The following NOXRED1 variants were observed in gnomAD, a reference collection of about 807,000 sequenced individuals.
NOXRED1 encodes NADP dependent oxidoreductase domain containing 1, also known as NADP-dependent oxidoreductase domain-containing protein 1.
In NOXRED1, 20 loss-of-function variants were observed where a neutral mutation model predicts 30.4. The ratio of observed to expected loss-of-function variants is 0.66; its 90% confidence interval spans 0.46 to 0.96. NOXRED1 has a LOEUF of 0.96. Ranked by LOEUF, NOXRED1 falls within the 40% of genes least tolerant of loss-of-function variation. The probability of loss-of-function intolerance (pLI) is 0.00; values close to 1 mark genes in which losing one functional copy is unlikely to be tolerated. For synonymous variants in NOXRED1, 155 were observed against 168.0 expected (o/e 0.92, Z 0.60); for missense variants, 374 against 428.0 (o/e 0.87, Z 1.11).
At chr14:77,418,111 T>C (rs1351720717) in intron 1 of NOXRED1, among the ~76,000 whole-genome samples, 1 of 152,130 alleles carries the variant, frequency 6.6e-6, no homozygotes, top group Non-Finnish European at 1.5e-5. Flanking sequence ...TCCATTAGCA[T>C]GGTTTTATAG....
In NOXRED1 at chr14:77,416,825, C is replaced by CG. The variant is rs1296267529; in HGVS notation, c.156-2699dup. Reference sequence around the variant, plus strand: ...CTCCCGGACAGGGCGGCTGGCCGGGCGGGGGGCTGACCCCCCCACCTCCCT... The same window carrying CG: ...CTCCCGGACAGGGCGGCTGGCCGGGCGGGGGGGCTGACCCCCCCACCTCCCT... On this transcript the variant is annotated intron_variant, in intron 1 of 5. Transcript: ENST00000380835. 2.7e-3 allele frequency among the ~76,000 whole-genome samples: 403 copies of CG among 151,046 alleles called. 3 individuals carry two copies. The highest frequency in any genetic ancestry group is 9.0e-3 in the African/African-American group (372 of 41,156).
At chr14:77,415,189 CA>C (rs1894778328) in intron 1 of NOXRED1, among the ~76,000 whole-genome samples, 1 of 5,004 alleles carries the variant, frequency 2.0e-4, no homozygotes, top group Non-Finnish European at 0.019. Context: ...AAAACACACA[CA>C]CACACACACA....
chr14:77,417,818 G>A (rs1014097567), intron 1 of NOXRED1, among the ~76,000 whole-genome samples: 1 of 150,772 alleles, frequency 6.6e-6, no homozygotes, highest in Non-Finnish European at 1.5e-5. Flanking sequence ...ATCACTGCCA[G>A]TTTGTTTTTT....
chr14:77,415,570 A>G (rs909115522), intron 1 of NOXRED1, among the ~76,000 whole-genome samples: 3 of 150,672 alleles, frequency 2.0e-5, no homozygotes, highest in African/African-American at 7.4e-5. Flanking sequence ...CTTGATCTCA[A>G]AAAAAGAAAA....
At position 77,422,982 on chromosome 14, in the gene NOXRED1, A is replaced by C; in HGVS notation, c.-93T>G. On this transcript the variant is annotated 5_prime_UTR_variant, in exon 1 of 6. Transcript: ENST00000380835. ...GGTCTATGTAGGAGGTGTGTGTATG[A>C]TGGTGTGTGTGCCCAGGTCACAAGC... 1 of 1,038,564 alleles carries C rather than the reference A, an allele frequency of 9.6e-7. No individual in the cohort carries two copies. Among genetic ancestry groups the C allele is most frequent in the Non-Finnish European group, 1.4e-6 (1 of 697,164 alleles). 64.3% of individuals were successfully genotyped at this position (1,038,564 alleles called of 1,614,324 possible).
intron 4 of NOXRED1, chr14:77,406,437 G>C: frequency 1.7e-6 from 1 of 594,320 alleles, no homozygotes; most frequent in Non-Finnish European, 3.0e-6. Flanking sequence ...AAAACTACAA[G>C]ATTAGAACAG....
Position 77,422,998 on chromosome 14 carries a change from G to T in NOXRED1, c.-109C>A. ...GTGTGTATGATGGTGTGTGTGCCCA[G>T]GTCACAAGCACTCATGATGATGGGC... On this transcript the variant is annotated 5_prime_UTR_variant, in exon 1 of 6. It adds an upstream start codon to the 5' untranslated region. Coordinates refer to ENST00000380835, the MANE Select transcript of NOXRED1 (RefSeq NM_001113475.3). The T allele has an allele frequency of 1.2e-6, 1 of 861,392 alleles. No individual in the cohort carries two copies. The allele number at this position is 861,392 out of a possible 1,614,324, so 53.4% of individuals were successfully genotyped here. A position where few individuals can be genotyped will look rare whatever the true frequency, so the allele number is the denominator to read the frequency against.
intron 5 of NOXRED1, among the ~76,000 whole-genome samples, chr14:77,404,221 T>G (rs1894399484): frequency 6.6e-6 from 1 of 151,836 alleles, no homozygotes; most frequent in Admixed American, 6.6e-5. Context: ...AAACAAGAGA[T>G]CCAATACAAC....
chr14:77,415,479 A>AGAATCTC (rs566983433), intron 1 of NOXRED1, among the ~76,000 whole-genome samples: 296 of 152,232 alleles, frequency 1.9e-3, no homozygotes, highest in African/African-American at 6.8e-3. Context: ...CTGAGGCAGG[A>AGAATCTC]GAATCTCTTG....
At chr14:77,414,183 T>A in intron 1 of NOXRED1, 56 bp from the exon 2 acceptor site, 62 of 7,392 alleles carry the variant, frequency 8.4e-3, no homozygotes, top group Non-Finnish European at 0.014. Flanking sequence ...TAGTTTTTCT[T>A]TTTTTTTTTT....
At chr14:77,401,162 C>G (rs1263606104) in intron 5 of NOXRED1, among the ~76,000 whole-genome samples, 1 of 151,854 alleles carries the variant, frequency 6.6e-6, no homozygotes, top group African/African-American at 2.4e-5. Flanking sequence ...ATCACGAGGT[C>G]AGGAGTTTGA....
intron 5 of NOXRED1, among the ~76,000 whole-genome samples, chr14:77,405,328 G>A (rs1894427498): frequency 6.6e-6 from 1 of 152,246 alleles, no homozygotes; most frequent in Admixed American, 6.5e-5. Context: ...CCGGGAGGCA[G>A]AGGTTGCAGT....
intron 3 of NOXRED1, 38 bp from the exon 4 acceptor site, chr14:77,406,913 A>T (rs374738547): frequency 9.5e-6 from 15 of 1,583,244 alleles, no homozygotes; most frequent in Non-Finnish European, 1.2e-5. Flanking sequence ...CAATGCCAGG[A>T]CTGGAATAAA....
chr14:77,400,418 C>T (rs1894296445), intron 5 of NOXRED1, among the ~76,000 whole-genome samples: 1 of 152,156 alleles, frequency 6.6e-6, no homozygotes, highest in South Asian at 2.1e-4. Flanking sequence ...GGCTATGTGC[C>T]CGTGACACAG....
chr14:77,407,360 C>A, intron 3 of NOXRED1, 105 bp downstream of exon 3: 1 of 810,906 alleles, frequency 1.2e-6, no homozygotes, highest in Non-Finnish European at 2.0e-6. Context: ...TTACTGGAAA[C>A]AACCAACTCT....
intron 2 of NOXRED1, among the ~76,000 whole-genome samples, chr14:77,409,060 A>T (rs1894570222): frequency 6.6e-6 from 1 of 151,968 alleles, no homozygotes; most frequent in Non-Finnish European, 1.5e-5. Context: ...GTGTTCACTC[A>T]CATCTGGTGG....
At chr14:77,424,698 T>C (rs962851222), upstream of NOXRED1, among the ~76,000 whole-genome samples, 2 of 152,218 alleles carry the variant, frequency 1.3e-5, no homozygotes, top group African/African-American at 2.4e-5. Flanking sequence ...AGGCCTATCC[T>C]TTACTTATGC....
chr14:77,422,440 G>A (rs967771912), intron 1 of NOXRED1, among the ~76,000 whole-genome samples: 1 of 152,154 alleles, frequency 6.6e-6, no homozygotes, highest in Non-Finnish European at 1.5e-5. Flanking sequence ...ACTGTGGAGG[G>A]CAAGCTGGTG....
At chr14:77,415,714 C>CTT (rs560912575) in intron 1 of NOXRED1, among the ~76,000 whole-genome samples, 3 of 136,458 alleles carry the variant, frequency 2.2e-5, no homozygotes, top group African/African-American at 8.3e-5. Flanking sequence ...ACTCTATATG[C>CTT]TTTTTTTTTT....
Sources: gnomAD v4.1 joint callset for allele counts (sites outside exome capture counted in the v4.1 genomes callset) on GRCh38, gnomAD v4.1.1 for gene constraint, MANE v1.5 for transcripts, NCBI Gene and HGNC (gene_info 2026-07-23, HGNC 2026-07-21) for gene names.